Variants in KCNQ5 observed in about 807,000 individuals in gnomAD.
KCNQ5 encodes the protein potassium voltage-gated channel subfamily Q member 5, also known as potassium voltage-gated channel subfamily KQT member 5.
In KCNQ5, 30 loss-of-function variants were observed where a neutral mutation model predicts 98.2. That is an observed-to-expected ratio of 0.31 (90% CI 0.23 to 0.41). The LOEUF is 0.41. KCNQ5 is among the 10% of genes least tolerant of loss of function. The probability of loss-of-function intolerance (pLI) is 1.00; values close to 1 mark genes in which losing one functional copy is unlikely to be tolerated. For synonymous variants in KCNQ5, 458 were observed against 449.4 expected, an observed-to-expected ratio of 1.02 and a Z score of -0.24; for missense variants, 835 against 1,182.5, an observed-to-expected ratio of 0.71 and a Z score of 4.31.
intron 2 of KCNQ5, among the ~76,000 whole-genome samples, chr6:73,033,104 G>A (rs1771224544): frequency 6.6e-6 from 1 of 152,024 alleles, no homozygotes; most frequent in East Asian, 1.9e-4. Flanking sequence ...TCTCATCATG[G>A]CATCCCAACT....
At chr6:72,739,433 A>G (rs559295807) in intron 1 of KCNQ5, among the ~76,000 whole-genome samples, 2 of 152,282 alleles carry the variant, frequency 1.3e-5, no homozygotes, top group African/African-American at 4.8e-5. Flanking sequence ...CTTAAATTTT[A>G]CCACATCCTG....
chr6:73,003,842 C>G (rs565170287), intron 1 of KCNQ5, 66 bp from the exon 2 acceptor site: 1 of 1,085,778 alleles, frequency 9.2e-7, no homozygotes, highest in Admixed American at 1.9e-5. Flanking sequence ...TCATTTGAAG[C>G]AAGAAATTAA....
intron 1 of KCNQ5, among the ~76,000 whole-genome samples, chr6:72,865,742 G>A (rs576148566): frequency 6.6e-6 from 1 of 152,256 alleles, no homozygotes; most frequent in South Asian, 2.1e-4. Flanking sequence ...TACTAATAAT[G>A]TCTTCTACTC....
intron 1 of KCNQ5, among the ~76,000 whole-genome samples, chr6:72,944,252 A>G (rs1309699613): frequency 6.6e-6 from 1 of 152,136 alleles, no homozygotes; most frequent in Non-Finnish European, 1.5e-5. Flanking sequence ...TTTTTTTCTT[A>G]TACCCTCTTT....
intron 11 of KCNQ5, among the ~76,000 whole-genome samples, chr6:73,189,977 C>T (rs1251036789): frequency 2.1e-5 from 3 of 140,392 alleles, no homozygotes; most frequent in African/African-American, 8.1e-5. Flanking sequence ...GCCTGGGCAA[C>T]ACAGTGAGAC....
chr6:72,838,218 T>G (rs2150130214), intron 1 of KCNQ5, among the ~76,000 whole-genome samples: 1 of 150,792 alleles, frequency 6.6e-6, no homozygotes, highest in Admixed American at 6.6e-5. Context: ...TGTCCGAGAC[T>G]TCAGTAGCTC....
At chr6:72,815,918 C>T (rs1485828926) in intron 1 of KCNQ5, among the ~76,000 whole-genome samples, 1 of 152,160 alleles carries the variant, frequency 6.6e-6, no homozygotes, top group African/African-American at 2.4e-5. Flanking sequence ...GGACATTCAA[C>T]ACCAAAACTC....
intron 1 of KCNQ5, among the ~76,000 whole-genome samples, chr6:72,792,537 C>T (rs1480057912): frequency 6.6e-6 from 1 of 152,148 alleles, no homozygotes; most frequent in Non-Finnish European, 1.5e-5. Context: ...CAGAGCATTT[C>T]AGTGACGATG....
intron 1 of KCNQ5, among the ~76,000 whole-genome samples, chr6:72,711,790 A>G (rs1351082772): frequency 6.6e-6 from 1 of 152,198 alleles, no homozygotes; most frequent in Non-Finnish European, 1.5e-5. Context: ...GATTTCTTCT[A>G]CATTTCTGGG....
intron 1 of KCNQ5, among the ~76,000 whole-genome samples, chr6:72,867,969 AC>A (rs1257816578): frequency 1.9e-4 from 29 of 151,078 alleles, no homozygotes; most frequent in South Asian, 6.3e-4. Flanking sequence ...TACTACTACT[AC>A]TAATAATAAT....
intron 1 of KCNQ5, among the ~76,000 whole-genome samples, chr6:72,723,550 T>C (rs1770087820): frequency 6.6e-6 from 1 of 152,218 alleles, no homozygotes; most frequent in Non-Finnish European, 1.5e-5. Context: ...GGGTTTGCTG[T>C]TGGAGCAATG....
chr6:72,891,692 C>A (rs777866957), intron 1 of KCNQ5, among the ~76,000 whole-genome samples: 1 of 152,160 alleles, frequency 6.6e-6, no homozygotes, highest in Non-Finnish European at 1.5e-5. Context: ...TGCAACTCTA[C>A]CATCTTGTTT....
chr6:72,846,515 G>C (rs1349204380), intron 1 of KCNQ5, among the ~76,000 whole-genome samples: 1 of 141,856 alleles, frequency 7.0e-6, no homozygotes, highest in Non-Finnish European at 1.6e-5. Context: ...CTCTACAGGG[G>C]AAAAAAAAAA....
intron 5 of KCNQ5, among the ~76,000 whole-genome samples, chr6:73,085,467 T>C (rs1269859896): frequency 1.3e-5 from 2 of 152,128 alleles, no homozygotes; most frequent in Non-Finnish European, 1.5e-5. Context: ...CCAGGAAACA[T>C]CCCTAGCTCC....
At chr6:72,984,792 T>A (rs964768814) in intron 1 of KCNQ5, among the ~76,000 whole-genome samples, 2 of 152,216 alleles carry the variant, frequency 1.3e-5, no homozygotes, top group African/African-American at 2.4e-5. Flanking sequence ...GTCTTCTGTG[T>A]CGATCACACT....
chr6:73,097,398 A>T (rs1774557368), intron 5 of KCNQ5, among the ~76,000 whole-genome samples: 1 of 152,098 alleles, frequency 6.6e-6, no homozygotes, highest in African/African-American at 2.4e-5. Context: ...ATTTTATTTC[A>T]TAATAAAAAT....
chr6:73,076,859 A>G (rs1160299747), intron 3 of KCNQ5, among the ~76,000 whole-genome samples: 3 of 152,154 alleles, frequency 2.0e-5, no homozygotes, highest in African/African-American at 7.2e-5. Flanking sequence ...ATCTCACAGC[A>G]CTTTCAAGCT....
intron 1 of KCNQ5, among the ~76,000 whole-genome samples, chr6:72,689,132 T>C (rs1768088959): frequency 6.6e-6 from 1 of 152,202 alleles, no homozygotes; most frequent in Non-Finnish European, 1.5e-5. Flanking sequence ...GTAAATGAAC[T>C]TACCAGATAT....
chr6:73,101,320 A>G (rs1004949149), intron 5 of KCNQ5, among the ~76,000 whole-genome samples: 7 of 152,170 alleles, frequency 4.6e-5, no homozygotes, highest in Non-Finnish European at 2.9e-5. Flanking sequence ...TCAGGGATGC[A>G]AGGATGGTTC....
Sources: allele counts gnomAD v4.1 joint callset (sites outside exome capture counted in the v4.1 genomes callset), GRCh38; gene constraint gnomAD v4.1.1; transcripts MANE v1.5; gene names NCBI Gene and HGNC (gene_info 2026-07-23, HGNC 2026-07-21).